The following ADAMTS13 variants were observed in gnomAD, a reference collection of about 807,000 sequenced individuals.
ADAMTS13 encodes A disintegrin and metalloproteinase with thrombospondin motifs 13.
Under a neutral mutation model 155.1 loss-of-function variants are expected in ADAMTS13, and 110 were observed. The observed-to-expected ratio is 0.71, with a 90% CI of 0.61 to 0.83. The LOEUF (loss-of-function observed/expected upper bound fraction) is 0.83, where lower values mean the gene tolerates loss of function less well. Among genes scored for constraint, ADAMTS13 ranks in the 40% least tolerant of loss-of-function variants. The probability of loss-of-function intolerance (pLI) is 0.00; values close to 1 mark genes in which losing one functional copy is unlikely to be tolerated. For missense variants in ADAMTS13, 1,707 were observed against 1,891.7 expected, an observed-to-expected ratio of 0.90 and a Z score of 1.81; for synonymous variants, 758 against 756.4, an observed-to-expected ratio of 1.00 and a Z score of -0.03.
chr9:133,431,569 C>G (rs587753992), intron 8 of ADAMTS13, among the ~76,000 whole-genome samples: 1 of 152,110 alleles, frequency 6.6e-6, no homozygotes, highest in Non-Finnish European at 1.5e-5. Flanking sequence ...TCAGGTGATC[C>G]GCCCGCCTTG....
chr9:133,437,827 G>C lies in ADAMTS13; in HGVS notation c.1514G>C (p.Gly505Ala). 1 of 1,613,998 alleles carries C rather than the reference G, an allele frequency of 6.2e-7. No homozygotes were observed. Among genetic ancestry groups the C allele is most frequent in the Non-Finnish European group, 8.5e-7 (1 of 1,180,042 alleles). ...IMKRGDSFLDGTRCMPSGPRE... is the reference protein window; with the variant it reads ...IMKRGDSFLDATRCMPSGPRE... ...AAGCGTGGAGACAGCTTCCTCGATG[G>C]GACCCGGTGTATGCCAAGTGGCCCC... The change falls in exon 13 of 29, where the codon GGG becomes GCG. Residue 505 changes from glycine to alanine, a missense_variant. Physicochemically the swap from Gly to Ala is moderately conservative, Grantham distance 60. Transcript: ENST00000355699.
chr9:133,443,432 A>G lies in ADAMTS13; in HGVS notation c.2291A>G (p.Glu764Gly). 6.3e-7 allele frequency: 1 copy of G among 1,596,408 alleles called. No individual in the cohort carries two copies. Among genetic ancestry groups the G allele is most frequent in the Non-Finnish European group, 8.5e-7 (1 of 1,176,736 alleles). The change falls in exon 19 of 29, where the codon GAG becomes GGG. Residue 764 changes from glutamate to glycine, a missense_variant. By Grantham distance (98) the Glu-to-Gly change is moderately conservative (BLOSUM62 -2). Around this residue, in one of 3 missense-constraint regions of ADAMTS13, gnomAD observed 961 missense variants for 1,107.9 expected, o/e 0.87. Coordinates refer to ENST00000355699, the MANE Select transcript of ADAMTS13 (RefSeq NM_139027.6). Reference sequence around the variant, plus strand: ...GCCTCCTGTGGGGGTGGCCTGCGGGAGCGGCCAGTGCGCTGCGTGGAGGCC... The same window carrying G: ...GCCTCCTGTGGGGGTGGCCTGCGGGGGCGGCCAGTGCGCTGCGTGGAGGCC... ...CSASCGGGLRERPVRCVEAQG... is the reference protein window; with the variant it reads ...CSASCGGGLRGRPVRCVEAQG...
chr9:133,456,828 G>C lies in ADAMTS13; in HGVS notation c.3724+109G>C. 1 of 1,366,856 alleles carries C rather than the reference G, an allele frequency of 7.3e-7. No individual in the cohort carries two copies. The allele number at this position is 1,366,856 out of a possible 1,614,324, so 84.7% of individuals were successfully genotyped here. Reference sequence around the variant, plus strand: ...TCCCAGTGGGGCAGTGGGAAGATACGGAGGGAACTGACTGAGATGGAAGGA... The same window carrying C: ...TCCCAGTGGGGCAGTGGGAAGATACCGAGGGAACTGACTGAGATGGAAGGA... On this transcript the variant is annotated intron_variant, in intron 27 of 28. Transcript: ENST00000355699. The surrounding 1 kb of genome is among the most constrained non-coding windows in gnomAD (Gnocchi z 4.4).
Position 133,456,786 on chromosome 9 carries a change from G to A in ADAMTS13, c.3724+67G>A. 6.5e-7 allele frequency: 1 copy of A among 1,533,500 alleles called. No homozygotes were observed. The allele number at this position is 1,533,500 out of a possible 1,614,324, so 95.0% of individuals were successfully genotyped here. A position where few individuals can be genotyped will look rare whatever the true frequency, so the allele number is the denominator to read the frequency against. On this transcript the variant is annotated intron_variant, in intron 27 of 28. Coordinates refer to ENST00000355699, the MANE Select transcript of ADAMTS13 (RefSeq NM_139027.6). The surrounding 1 kb of genome is among the most constrained non-coding windows in gnomAD (Gnocchi z 4.4). ...CTGGCAGGGAGGCTGGGTGGGTGCT[G>A]CTGGGGATGGGGCCAGTCCCAGTGG... is the stretch of plus-strand genomic sequence containing the variant.
Position 133,428,785 on chromosome 9 carries a change from C to A in ADAMTS13, c.824+14C>A, listed in dbSNP as rs1349693000. 1.5e-6 allele frequency: 2 copies of A among 1,308,846 alleles called. No individual in the cohort carries two copies. Among genetic ancestry groups the A allele is most frequent in the South Asian group, 2.1e-5 (1 of 48,320 alleles). 81.1% of individuals were successfully genotyped at this position (1,308,846 alleles called of 1,614,324 possible). On this transcript the variant is annotated intron_variant, in intron 7 of 28. Coordinates refer to ENST00000355699, the MANE Select transcript of ADAMTS13 (RefSeq NM_139027.6). ...GAGCCTGCTCAGGTAGCGGCCGCCC[C>A]GTGGGAGGGGCGCGCGAGCCTCCAG...
intron 8 of ADAMTS13, among the ~76,000 whole-genome samples, chr9:133,432,054 G>C (rs1259318567): frequency 3.3e-5 from 5 of 152,154 alleles, no homozygotes. Flanking sequence ...ACCTGAGGTC[G>C]GGAGTTTGAG....
rs1474290508 is a variant in ADAMTS13, at chr9:133,424,480, T to C, written c.330+2T>C. On this transcript the variant is annotated splice_donor_variant, in intron 3 of 28. Coordinates refer to ENST00000355699, the MANE Select transcript of ADAMTS13 (RefSeq NM_139027.6). LOFTEE classifies it high-confidence loss of function. The surrounding 1 kb of genome is among the most constrained non-coding windows in gnomAD (Gnocchi z 4.3). Reference sequence around the variant, plus strand: ...TATGTGCTCACCAACCTCAACATCGTGAGTGCCCCACGCTGGACTGTGCAG... The same window carrying C: ...TATGTGCTCACCAACCTCAACATCGCGAGTGCCCCACGCTGGACTGTGCAG... 6.2e-7 allele frequency: 1 copy of C among 1,612,616 alleles called. No homozygotes were observed. Among genetic ancestry groups the C allele is most frequent in the African/African-American group, 1.3e-5 (1 of 74,866 alleles).
chr9:133,443,185 C>T (rs587650391), intron 18 of ADAMTS13, among the ~76,000 whole-genome samples, 191 bp from the exon 19 acceptor site: 1 of 152,324 alleles, frequency 6.6e-6, no homozygotes, highest in East Asian at 1.9e-4. Flanking sequence ...AGGGCAGCTG[C>T]TCACCAGCCT....
At position 133,433,476 on chromosome 9, in the gene ADAMTS13, C is replaced by T. The variant is rs782609209; in HGVS notation, c.1191C>T (p.Ser397=). Residue 397 remains serine (S), a synonymous_variant, in exon 10 of 29, where the codon TCC becomes TCT. Transcript: ENST00000355699. ...WSSWGPRSPC[S]RSCGGGVVTR... is the part of the protein sequence containing the mutation. Reference sequence around the variant, plus strand: ...GCTGGGGTCCCCGAAGTCCTTGCTCCCGCTCCTGCGGAGGAGGTGTGGTCA... The same window carrying T: ...GCTGGGGTCCCCGAAGTCCTTGCTCTCGCTCCTGCGGAGGAGGTGTGGTCA... The T allele has an allele frequency of 6.2e-7, 1 of 1,613,474 alleles. No homozygotes were observed. Among genetic ancestry groups the T allele is most frequent in the South Asian group, 1.1e-5 (1 of 91,082 alleles).
At position 133,437,904 on chromosome 9, in the gene ADAMTS13, G is replaced by A. The variant is rs370613063; in HGVS notation, c.1584+7G>A. 32 of 1,613,328 alleles carry A rather than the reference G, an allele frequency of 2.0e-5. 1 individual carries two copies. The Middle Eastern group carries it at 5.0e-4, about 25-fold the overall frequency. On this transcript the variant is annotated splice_region_variant and intron_variant, in intron 13 of 28. Coordinates refer to ENST00000355699, the MANE Select transcript of ADAMTS13 (RefSeq NM_139027.6). ...TGTGTCGGGCAGCTGCAGGGTAGGC[G>A]TGTGTGGACATTGGCGATGGCCCTG...
In ADAMTS13 at chr9:133,455,822, C is replaced by T. The variant is rs146102024; in HGVS notation, c.3401-247C>T. 3.4e-3 allele frequency: 2,639 copies of T among 782,030 alleles called. 11 individuals carry two copies. The highest frequency in any genetic ancestry group is 7.0e-3 in the Middle Eastern group (19 of 2,726). 48.4% of individuals were successfully genotyped at this position (782,030 alleles called of 1,614,324 possible). ...AAGGTAGGAACCCAGCTTGTGAGCC[C>T]CCTAGCCTCTGGGCTGCTCTGCATG... On this transcript the variant is annotated intron_variant, in intron 25 of 28. Transcript: ENST00000355699.
At chr9:133,449,759 G>T in intron 22 of ADAMTS13, 24 bp from the exon 23 acceptor site, 2 of 1,613,232 alleles carry the variant, frequency 1.2e-6, no homozygotes, top group Non-Finnish European at 1.7e-6. Context: ...GCTGTTTGGG[G>T]TCCCTGACTC....
chr9:133,456,124 A>G lies in ADAMTS13; in HGVS notation c.3456A>G (p.Pro1152=), dbSNP rs1842727232. ...CAGGAACCATTGACATGCGAGGCCC[A>G]GGGCAGGCAGACTGTGCAGTGGCCA... The part of the protein sequence containing the change: ...EPTGTIDMRG[P]GQADCAVAIG... The change falls in exon 26 of 29, where the codon CCA becomes CCG. Residue 1152 remains proline, a synonymous_variant. Coordinates refer to ENST00000355699, the MANE Select transcript of ADAMTS13 (RefSeq NM_139027.6). This position sits in a 1 kb window ranked among gnomAD's most constrained non-coding sequence, Gnocchi z 4.4. The G allele has an allele frequency of 8.7e-6, 14 of 1,613,378 alleles. No homozygotes were observed. Among genetic ancestry groups the G allele is most frequent in the Non-Finnish European group, 1.2e-5 (14 of 1,180,036 alleles).
At position 133,428,839 on chromosome 9, in the gene ADAMTS13, C is replaced by T. The variant is rs1226149240; in HGVS notation, c.824+68C>T. 2.4e-5 allele frequency: 29 copies of T among 1,206,374 alleles called. No homozygotes were observed. The East Asian group carries it at 1.1e-3, about 45-fold the overall frequency. 74.7% of individuals were successfully genotyped at this position (1,206,374 alleles called of 1,614,324 possible). A position where few individuals can be genotyped will look rare whatever the true frequency, so the allele number is the denominator to read the frequency against. On this transcript the variant is annotated intron_variant, in intron 7 of 28. Coordinates refer to ENST00000355699, the MANE Select transcript of ADAMTS13 (RefSeq NM_139027.6). ...GCCCGCTGGGCCGCCAGCGCCACCT[C>T]TCTCTACGTCCGTCCCCACTCCGCA... is the stretch of plus-strand genomic sequence containing the variant.
intron 13 of ADAMTS13, 87 bp downstream of exon 13, chr9:133,437,984 C>T: frequency 1.3e-6 from 2 of 1,599,242 alleles, no homozygotes; most frequent in East Asian, 2.2e-5. Context: ...GGTGCTGGCC[C>T]TGATGGAGCT....
chr9:133,441,211 G>T lies in ADAMTS13; in HGVS notation c.1968+686G>T, dbSNP rs36221223. Among the ~76,000 whole-genome samples the T allele has an allele frequency of 6.6e-6, 1 of 152,266 alleles. No homozygotes were observed. Among genetic ancestry groups the T allele is most frequent in the African/African-American group, 2.4e-5 (1 of 41,546 alleles). On this transcript the variant is annotated intron_variant, in intron 16 of 28. Coordinates refer to ENST00000355699, the MANE Select transcript of ADAMTS13 (RefSeq NM_139027.6). This position sits in a 1 kb window ranked among gnomAD's most constrained non-coding sequence, Gnocchi z 5.0. ...CAGACCTGAGAACCTTGGGAGAGGG[G>T]CCCAGTCTCAGCGGCCGGAGCAGCG...
At position 133,428,664 on chromosome 9, in the gene ADAMTS13, C is replaced by A; in HGVS notation, c.717C>A (p.Gly239=). The A allele has an allele frequency of 7.4e-7, 1 of 1,357,376 alleles. No homozygotes were observed. Among genetic ancestry groups the A allele is most frequent in the Non-Finnish European group, 9.5e-7 (1 of 1,051,144 alleles). The allele number at this position is 1,357,376 out of a possible 1,614,324, so 84.1% of individuals were successfully genotyped here. The stretch of plus-strand genomic sequence containing the variant: ...GCCTGGAGCACGACGGCGCGCCCGG[C>A]AGCGGCTGCGGCCCCAGCGGACACG... The part of the protein sequence containing the change: ...SFGLEHDGAP[G]SGCGPSGHVM... The change falls in exon 7 of 29, where the codon GGC becomes GGA. Residue 239 remains glycine, a synonymous_variant. Coordinates refer to ENST00000355699, the MANE Select transcript of ADAMTS13 (RefSeq NM_139027.6).
chr9:133,436,163 A>G (rs1305524185), intron 11 of ADAMTS13, among the ~76,000 whole-genome samples: 1 of 127,822 alleles, frequency 7.8e-6, no homozygotes, highest in Non-Finnish European at 1.7e-5. Context: ...ATGAAATGGT[A>G]GAAAGATTCT....
chr9:133,457,880 G>A, intron 27 of ADAMTS13, 30 bp from the exon 28 acceptor site: 1 of 1,613,498 alleles, frequency 6.2e-7, no homozygotes, highest in Non-Finnish European at 8.5e-7. Flanking sequence ...GGTCTGTCTG[G>A]GTTCCTATGT....
Sources: gnomAD v4.1 joint callset for allele counts (sites outside exome capture counted in the v4.1 genomes callset) on GRCh38, gnomAD v4.1.1 for gene constraint, gnomAD v4.1.1 regional missense constraint, Gnocchi (gnomAD v3.1) non-coding constraint, MANE v1.5 for transcripts, NCBI Gene and HGNC (gene_info 2026-07-23, HGNC 2026-07-21) for gene names.